GREB1L: variants seen among roughly 807,000 people sequenced by gnomAD.
GREB1L encodes the protein GREB1-like protein.
A neutral mutation model predicts 200.8 loss-of-function variants in GREB1L; 17 were observed. The ratio of observed to expected loss-of-function variants is 0.08; its 90% CI spans 0.06 to 0.13. GREB1L has a LOEUF of 0.13. Among genes scored for constraint, GREB1L ranks in the 10% least tolerant of loss-of-function variants. The pLI is 1.00. For missense variants in GREB1L, 1,657 were observed against 2,367.7 expected (o/e 0.70, Z 6.23); for synonymous variants, 789 against 893.0 (o/e 0.88, Z 2.08).
intron 1 of GREB1L, among the ~76,000 whole-genome samples, chr18:21,262,719 A>G (rs993514511): frequency 6.6e-6 from 1 of 152,212 alleles, no homozygotes; most frequent in Non-Finnish European, 1.5e-5. Context: ...TACAAAACCT[A>G]GAAGTTCTTA....
intron 25 of GREB1L, among the ~76,000 whole-genome samples, chr18:21,506,170 G>A (rs1221696479): frequency 6.6e-6 from 1 of 152,120 alleles, no homozygotes; most frequent in African/African-American, 2.4e-5. Context: ...GAGGCGGGTG[G>A]ATCACCTGAG....
At chr18:21,408,298 G>T (rs2030528103) in intron 7 of GREB1L, among the ~76,000 whole-genome samples, 1 of 151,878 alleles carries the variant, frequency 6.6e-6, no homozygotes, top group African/African-American at 2.4e-5. Context: ...ACAACAGAGT[G>T]GTAAAAATAT....
At chr18:21,506,163 G>A (rs1278831298) in intron 25 of GREB1L, among the ~76,000 whole-genome samples, 1 of 152,126 alleles carries the variant, frequency 6.6e-6, no homozygotes, top group East Asian at 1.9e-4. Context: ...GGAGGCCGAG[G>A]CGGGTGGATC....
intron 1 of GREB1L, among the ~76,000 whole-genome samples, chr18:21,317,218 C>G (rs1462846965): frequency 2.0e-5 from 3 of 150,496 alleles, no homozygotes; most frequent in African/African-American, 7.3e-5. Flanking sequence ...AAAAATCAAT[C>G]AATGGATTAA....
chr18:21,325,829 A>G (rs1213163854), intron 1 of GREB1L, among the ~76,000 whole-genome samples: 3 of 150,120 alleles, frequency 2.0e-5, no homozygotes, highest in African/African-American at 7.3e-5. Context: ...AAAAAAAAAA[A>G]AAAAAAAAAA....
At chr18:21,447,203 T>G (rs1037801910) in intron 11 of GREB1L, among the ~76,000 whole-genome samples, 49 of 152,110 alleles carry the variant, frequency 3.2e-4, no homozygotes, top group African/African-American at 1.2e-3. Context: ...AAGGATCACT[T>G]GAGCCCAGAA....
intron 24 of GREB1L, 66 bp downstream of exon 24, chr18:21,505,633 C>A: frequency 6.6e-7 from 1 of 1,507,028 alleles, no homozygotes; most frequent in Non-Finnish European, 9.0e-7. Context: ...GGGTGCCTTA[C>A]ATCTCACTTT....
intron 1 of GREB1L, among the ~76,000 whole-genome samples, chr18:21,337,577 C>G (rs1299075284): frequency 6.6e-5 from 10 of 152,192 alleles, no homozygotes; most frequent in Non-Finnish European, 1.0e-4. Context: ...CATAGAATGG[C>G]AAGGGGCTTA....
intron 7 of GREB1L, among the ~76,000 whole-genome samples, chr18:21,430,682 C>T (rs1387716657): frequency 4.0e-5 from 6 of 149,600 alleles, no homozygotes; most frequent in Non-Finnish European, 7.4e-5. Context: ...CAGCAACCTC[C>T]GCCTCCCAGG....
At chr18:21,439,406 C>T in intron 7 of GREB1L, 115 bp from the exon 8 acceptor site, 1 of 636,460 alleles carries the variant, frequency 1.6e-6, no homozygotes, top group Non-Finnish European at 2.9e-6. Flanking sequence ...TGAGTCCTAT[C>T]CGTGAGGTTT....
At chr18:21,374,877 G>C (rs978461399) in intron 2 of GREB1L, among the ~76,000 whole-genome samples, 1 of 141,764 alleles carries the variant, frequency 7.1e-6, no homozygotes, top group African/African-American at 2.6e-5. Flanking sequence ...TTTCCACACA[G>C]GGTCTCATTC....
intron 7 of GREB1L, among the ~76,000 whole-genome samples, chr18:21,437,867 A>C (rs2033647576): frequency 6.6e-6 from 1 of 152,234 alleles, no homozygotes; most frequent in African/African-American, 2.4e-5. Flanking sequence ...ATTAAAAGAT[A>C]GTTGGGGAAA....
chr18:21,373,489 G>A (rs1471044271), intron 2 of GREB1L, among the ~76,000 whole-genome samples: 2 of 151,776 alleles, frequency 1.3e-5, no homozygotes, highest in Non-Finnish European at 2.9e-5. Context: ...ACCTACCACC[G>A]TGCCCAGCTA....
intron 2 of GREB1L, among the ~76,000 whole-genome samples, chr18:21,377,662 C>T (rs2040125990): frequency 6.6e-6 from 1 of 152,114 alleles, no homozygotes; most frequent in Non-Finnish European, 1.5e-5. Flanking sequence ...TGCCACTGCA[C>T]TCCAGCCTGG....
chr18:21,495,834 C>T (rs1237016769), intron 20 of GREB1L, 49 bp downstream of exon 20: 2 of 1,052,692 alleles, frequency 1.9e-6, no homozygotes, highest in Non-Finnish European at 2.8e-6. Context: ...CCCAGCTGAA[C>T]TGATGATTAA....
intron 1 of GREB1L, among the ~76,000 whole-genome samples, chr18:21,257,614 T>C (rs1188722290): frequency 6.6e-6 from 1 of 152,206 alleles, no homozygotes. Flanking sequence ...TCTCAACTTC[T>C]GCCTCCAGAG....
At chr18:21,434,764 G>A (rs2033432429) in intron 7 of GREB1L, among the ~76,000 whole-genome samples, 1 of 151,926 alleles carries the variant, frequency 6.6e-6, no homozygotes, top group Admixed American at 6.6e-5. Flanking sequence ...TCTAGTGAGT[G>A]TTTGTTAAAT....
At chr18:21,298,379 C>A (rs1446567650) in intron 1 of GREB1L, among the ~76,000 whole-genome samples, 2 of 152,094 alleles carry the variant, frequency 1.3e-5, no homozygotes, top group East Asian at 3.9e-4. Context: ...ACTGTGGTAT[C>A]TACTTATTTT....
At chr18:21,427,160 A>G (rs1330717520) in intron 7 of GREB1L, among the ~76,000 whole-genome samples, 2 of 152,082 alleles carry the variant, frequency 1.3e-5, no homozygotes, top group African/African-American at 2.4e-5. Flanking sequence ...TTTCTGATCT[A>G]TGAAGATGGG....
Sources: allele counts gnomAD v4.1 joint callset (sites outside exome capture counted in the v4.1 genomes callset), GRCh38; gene constraint gnomAD v4.1.1; transcripts MANE v1.5; gene names NCBI Gene and HGNC (gene_info 2026-07-23, HGNC 2026-07-21).